BDP1: variants seen among roughly 807,000 people sequenced by gnomAD.
BDP1 encodes BDP1 general transcription factor IIIB subunit, also known as transcription factor TFIIIB component B'' homolog.
BDP1 carries 169 observed loss-of-function variants against 266.6 expected under a neutral mutation model. The ratio of observed to expected loss-of-function variants is 0.63; its 90% confidence interval spans 0.56 to 0.72. The LOEUF is 0.72. BDP1 is among the 30% of genes least tolerant of loss of function. The pLI, the probability that BDP1 is intolerant of heterozygous loss-of-function variation, is 0.00. For synonymous variants in BDP1, 1,090 were observed against 1,022.4 expected, an observed-to-expected ratio of 1.07 and a Z score of -1.26; for missense variants, 3,015 against 3,053.8, an observed-to-expected ratio of 0.99 and a Z score of 0.30.
At chr5:71,470,615 G>A (rs1158957220) in intron 7 of BDP1, 126 bp downstream of exon 7, 1 of 646,656 alleles carries the variant, frequency 1.5e-6, no homozygotes, top group South Asian at 2.2e-5. Flanking sequence ...TTGAGACAGA[G>A]TTTCACTTTG....
intron 7 of BDP1, among the ~76,000 whole-genome samples, chr5:71,471,607 A>G (rs1012253361): frequency 9.2e-5 from 14 of 152,234 alleles, no homozygotes; most frequent in African/African-American, 3.4e-4. Context: ...GATGTCAGTT[A>G]CAGCTATTAT....
Position 71,524,793 on chromosome 5 carries a change from G to T in BDP1, c.5772+470G>T, listed in dbSNP as rs540554983. On this transcript the variant is annotated intron_variant, in intron 25 of 38. Coordinates refer to ENST00000358731, the MANE Select transcript of BDP1 (RefSeq NM_018429.3). ...AGAGGACCCTGCGGCCTTCCGCAGT[G>T]TTTGTGTCCCTGGGTACTTGAGATT... Among the ~76,000 whole-genome samples, 36 of 150,262 alleles carry T rather than the reference G, an allele frequency of 2.4e-4. No individual in the cohort carries two copies. The East Asian group carries it at 5.3e-3, about 22-fold the overall frequency.
At chr5:71,480,674 C>T (rs1405664377) in intron 7 of BDP1, among the ~76,000 whole-genome samples, 3 of 151,284 alleles carry the variant, frequency 2.0e-5, no homozygotes, top group Non-Finnish European at 2.9e-5. Flanking sequence ...TCAGGTGATT[C>T]TTCTGCCTCA....
At chr5:71,526,329 G>T (rs868130310) in intron 25 of BDP1, among the ~76,000 whole-genome samples, 171 of 132,484 alleles carry the variant, frequency 1.3e-3, no homozygotes, top group African/African-American at 3.8e-3. Flanking sequence ...TTTTTTTTTT[G>T]ATTTGGACCA....
intron 7 of BDP1, among the ~76,000 whole-genome samples, chr5:71,474,617 G>A (rs1003117881): frequency 3.3e-5 from 5 of 151,850 alleles, no homozygotes; most frequent in Non-Finnish European, 5.9e-5. Context: ...GGAGGCTGAG[G>A]GGGGTGGGTC....
chr5:71,459,403 T>C (rs1008958197), intron 2 of BDP1, among the ~76,000 whole-genome samples: 3 of 152,006 alleles, frequency 2.0e-5, no homozygotes, highest in Non-Finnish European at 4.4e-5. Flanking sequence ...TCCCAACTAC[T>C]GGGGAGGCTG....
the BDP1 span, among the ~76,000 whole-genome samples, chr5:71,573,384 T>G: frequency 6.6e-6 from 1 of 152,178 alleles, no homozygotes; most frequent in African/African-American, 2.4e-5. Flanking sequence ...TCTGCTGCCA[T>G]AGCTGGAGAG....
chr5:71,517,404 T>G lies in BDP1; in HGVS notation c.4943T>G (p.Val1648Gly). 6.2e-7 allele frequency: 1 copy of G among 1,605,322 alleles called. No homozygotes were observed. Among genetic ancestry groups the G allele is most frequent in the Non-Finnish European group, 8.5e-7 (1 of 1,177,736 alleles). ...EHRMYENQSQVVLVENLHVNK... is the reference protein window; with the variant it reads ...EHRMYENQSQGVLVENLHVNK... Reference sequence around the variant, plus strand: ...AGAATGTATGAAAATCAAAGTCAGGTGGTTCTTGTAGAAAACCTTCATGTT... The same window carrying G: ...AGAATGTATGAAAATCAAAGTCAGGGGGTTCTTGTAGAAAACCTTCATGTT... Residue 1648 changes from valine to glycine, a missense_variant, in exon 22 of 39, where the codon GTG becomes GGG. By Grantham distance (109) the Val-to-Gly change is moderately radical. Coordinates refer to ENST00000358731, the MANE Select transcript of BDP1 (RefSeq NM_018429.3).
chr5:71,471,652 T>A (rs1483879713), intron 7 of BDP1, among the ~76,000 whole-genome samples: 1 of 152,178 alleles, frequency 6.6e-6, no homozygotes, highest in Non-Finnish European at 1.5e-5. Context: ...TGTTTTTTAG[T>A]TTCTTTGCTT....
Position 71,502,669 on chromosome 5 carries a change from C to T in BDP1, c.2119C>T (p.Arg707Ter), listed in dbSNP as rs771638951. 16 of 1,613,590 alleles carry T rather than the reference C, an allele frequency of 9.9e-6. No individual in the cohort carries two copies. Among genetic ancestry groups the T allele is most frequent in the Admixed American group, 1.7e-5 (1 of 59,958 alleles). The change falls in exon 15 of 39, where the codon CGA becomes TGA. Residue 707 changes from arginine (R) to a stop codon, truncating the protein, a stop_gained. Coordinates refer to ENST00000358731, the MANE Select transcript of BDP1 (RefSeq NM_018429.3). LOFTEE classifies it high-confidence loss of function. ...TTTAAGACCTGTACAAGTGAGGGGC[C>T]GATTGCAAAAGCCAAAGCCAAATGC... ...KALRPVQVRGRLQKPKPNAGK... is the reference protein window; with the variant it reads ...KALRPVQVRG
intron 21 of BDP1, among the ~76,000 whole-genome samples, chr5:71,516,633 C>T (rs1765237720): frequency 6.6e-6 from 1 of 152,166 alleles, no homozygotes; most frequent in East Asian, 1.9e-4. Flanking sequence ...TCATTACGTA[C>T]TATAACTTTC....
intron 7 of BDP1, among the ~76,000 whole-genome samples, chr5:71,471,922 T>C (rs1218463453): frequency 1.3e-5 from 2 of 152,228 alleles, no homozygotes; most frequent in Non-Finnish European, 2.9e-5. Context: ...AATAGTCTTG[T>C]TATTTCTGCA....
chr5:71,480,029 C>T (rs950122618), intron 7 of BDP1, among the ~76,000 whole-genome samples: 12 of 152,066 alleles, frequency 7.9e-5, no homozygotes, highest in Non-Finnish European at 1.5e-4. Context: ...ACTGCAACCT[C>T]CGCCTCCCAG....
At chr5:71,464,859 C>T (rs748353607) in intron 4 of BDP1, among the ~76,000 whole-genome samples, 10 of 151,462 alleles carry the variant, frequency 6.6e-5, no homozygotes, top group East Asian at 2.0e-4. Context: ...GCTGGGACTA[C>T]GGGTGTGCGC....
intron 6 of BDP1, among the ~76,000 whole-genome samples, chr5:71,468,434 C>T (rs1043441308): frequency 2.0e-5 from 3 of 151,474 alleles, no homozygotes; most frequent in South Asian, 2.1e-4. Context: ...AGGCGTGAGT[C>T]GTTGTGCCCA....
rs1415152064 is a variant in BDP1 at position 71,502,713 on chromosome 5, A to G, written c.2163A>G (p.Arg721=). The change falls in exon 15 of 39, where the codon AGA becomes AGG. Residue 721 remains arginine, a synonymous_variant. Transcript: ENST00000358731. The part of the protein sequence containing the change: ...PKPNAGKAAE[R]KEILISQEEI... ...CAAATGCAGGTAAAGCTGCTGAAAG[A>G]AAAGAAATTCTCATATCACAGGAAG... The G allele has an allele frequency of 1.2e-6, 2 of 1,614,086 alleles. No individual in the cohort carries two copies. The highest frequency in any genetic ancestry group is 1.7e-6 in the Non-Finnish European group (2 of 1,180,004).
intron 18 of BDP1, among the ~76,000 whole-genome samples, chr5:71,512,636 A>G (rs935003917): frequency 1.3e-5 from 2 of 152,278 alleles, no homozygotes; most frequent in African/African-American, 4.8e-5. Context: ...GTCTTAAATC[A>G]ATACAGGTTT....
chr5:71,517,375 A>C lies in BDP1; in HGVS notation c.4914A>C (p.Glu1638Asp), dbSNP rs1765277996. Reference sequence around the variant, plus strand: ...AAGTTCCATCGTCCGCAGTTCCAGAACACAGAATGTATGAAAATCAAAGTC... The same window carrying C: ...AAGTTCCATCGTCCGCAGTTCCAGACCACAGAATGTATGAAAATCAAAGTC... ...EIEVPSSAVP[E>D]HRMYENQSQV... The change falls in exon 22 of 39, where the codon GAA becomes GAC. Residue 1638 changes from glutamate to aspartate, a missense_variant. Transcript: ENST00000358731. The C allele has an allele frequency of 1.9e-6, 3 of 1,603,962 alleles. No homozygotes were observed. The highest frequency in any genetic ancestry group is 2.7e-5 in the African/African-American group (2 of 74,456).
In BDP1 at chr5:71,516,172, A is replaced by G; in HGVS notation, c.4761A>G (p.Gly1587=). The change falls in exon 21 of 39, where the codon GGA becomes GGG. Residue 1587 remains glycine (G), a synonymous_variant. Coordinates refer to ENST00000358731, the MANE Select transcript of BDP1 (RefSeq NM_018429.3). ...CGAGACCAAATATAAGAAAGACAGGACAGAGGCAAATAGTAGACAAAGGTG... is the reference window on the plus strand; with the variant it reads ...CGAGACCAAATATAAGAAAGACAGGGCAGAGGCAAATAGTAGACAAAGGTG... The part of the protein sequence containing the change: ...QRPRPNIRKT[G]QRQIVDKGEA... The G allele has an allele frequency of 1.2e-6, 2 of 1,613,550 alleles. No homozygotes were observed. The highest frequency in any genetic ancestry group is 2.2e-5 in the East Asian group (1 of 44,870).
Sources: gnomAD v4.1 joint callset for allele counts (sites outside exome capture counted in the v4.1 genomes callset) on GRCh38, gnomAD v4.1.1 for gene constraint, MANE v1.5 for transcripts, NCBI Gene and HGNC (gene_info 2026-07-23, HGNC 2026-07-21) for gene names.